The following ARHGAP15 variants were observed in gnomAD, a reference collection of about 807,000 sequenced individuals.
ARHGAP15 encodes Rho GTPase activating protein 15.
In ARHGAP15, 51 loss-of-function variants were observed where a neutral mutation model predicts 63.7. The ratio of observed to expected loss-of-function variants is 0.80; its 90% CI spans 0.64 to 1.01. The LOEUF is 1.01. Among genes scored for constraint, ARHGAP15 ranks in the 50% least tolerant of loss-of-function variants. ARHGAP15 has a pLI of 0.00. For missense variants in ARHGAP15, 560 were observed against 564.6 expected (o/e 0.99, Z 0.08); for synonymous variants, 191 against 193.8 (o/e 0.99, Z 0.12).
intron 12 of ARHGAP15, among the ~76,000 whole-genome samples, chr2:143,679,071 T>C (rs533786314): frequency 8.5e-5 from 13 of 152,308 alleles, no homozygotes; most frequent in African/African-American, 2.9e-4. Context: ...TCTTTGCTAG[T>C]TGATTAGAAA....
intron 11 of ARHGAP15, among the ~76,000 whole-genome samples, chr2:143,616,308 G>A (rs1228826465): frequency 6.6e-6 from 1 of 152,126 alleles, no homozygotes; most frequent in East Asian, 1.9e-4. Context: ...CACCTATTAT[G>A]TTATTCTTTA....
chr2:143,525,757 T>C (rs1258208024), intron 10 of ARHGAP15, among the ~76,000 whole-genome samples: 1 of 151,962 alleles, frequency 6.6e-6, no homozygotes, highest in East Asian at 1.9e-4. Context: ...GAAAGCCACA[T>C]TTAGGGCTCG....
chr2:143,329,416 G>C (rs112185249), intron 6 of ARHGAP15, among the ~76,000 whole-genome samples: 3 of 152,248 alleles, frequency 2.0e-5, no homozygotes, highest in African/African-American at 7.2e-5. Flanking sequence ...GTATGGAGAG[G>C]GGTGGCCTCT....
At chr2:143,565,773 A>G (rs141126723) in intron 11 of ARHGAP15, among the ~76,000 whole-genome samples, 277 of 152,324 alleles carry the variant, frequency 1.8e-3, no homozygotes, top group African/African-American at 5.9e-3. Flanking sequence ...ATAGTGGTAT[A>G]ACTTGGCATG....
chr2:143,550,368 A>G (rs554137734), intron 10 of ARHGAP15, among the ~76,000 whole-genome samples: 37 of 152,346 alleles, frequency 2.4e-4, no homozygotes, highest in African/African-American at 8.7e-4. Flanking sequence ...TACCGATCAC[A>G]TACTTTTATG....
intron 6 of ARHGAP15, among the ~76,000 whole-genome samples, chr2:143,360,020 T>G (rs1192576143): frequency 6.6e-6 from 1 of 152,114 alleles, no homozygotes. Flanking sequence ...ATTTTTGTTC[T>G]CAGGTGAGAA....
At chr2:143,588,318 C>T (rs554311760) in intron 11 of ARHGAP15, among the ~76,000 whole-genome samples, 1 of 152,282 alleles carries the variant, frequency 6.6e-6, no homozygotes, top group South Asian at 2.1e-4. Flanking sequence ...TACTCCACTG[C>T]ATCCCAATTT....
intron 12 of ARHGAP15, among the ~76,000 whole-genome samples, chr2:143,657,208 G>A (rs945171737): frequency 6.6e-6 from 1 of 152,062 alleles, no homozygotes; most frequent in Non-Finnish European, 1.5e-5. Flanking sequence ...TTAGCCGGGC[G>A]TTGCGGCTGG....
intron 12 of ARHGAP15, among the ~76,000 whole-genome samples, chr2:143,682,117 T>C (rs1683125207): frequency 6.6e-6 from 1 of 152,244 alleles, no homozygotes; most frequent in Non-Finnish European, 1.5e-5. Context: ...CTAATTGTCA[T>C]TTCTATACAG....
chr2:143,721,548 C>G (rs1370304630), intron 13 of ARHGAP15, among the ~76,000 whole-genome samples: 1 of 152,154 alleles, frequency 6.6e-6, no homozygotes, highest in Non-Finnish European at 1.5e-5. Flanking sequence ...GTGTCTGACT[C>G]TCAAGATGAA....
intron 6 of ARHGAP15, among the ~76,000 whole-genome samples, chr2:143,347,088 C>T (rs1685334841): frequency 6.6e-6 from 1 of 152,128 alleles, no homozygotes; most frequent in South Asian, 2.1e-4. Context: ...CTCATGTCCT[C>T]ACCTTCGGTA....
intron 8 of ARHGAP15, among the ~76,000 whole-genome samples, chr2:143,484,423 T>C (rs182024703): frequency 7.7e-4 from 116 of 151,210 alleles, no homozygotes; most frequent in South Asian, 4.2e-4. Context: ...TCCCAGCTAC[T>C]CGGGAGGCTG....
intron 6 of ARHGAP15, among the ~76,000 whole-genome samples, chr2:143,309,017 TATCTC>T (rs1278480918): frequency 1.3e-5 from 2 of 151,762 alleles, no homozygotes; most frequent in African/African-American, 4.8e-5. Context: ...CTGATAATAT[TATCTC>T]ATATTGTTCT....
chr2:143,390,996 G>C (rs1687515082), intron 6 of ARHGAP15, among the ~76,000 whole-genome samples: 1 of 152,154 alleles, frequency 6.6e-6, no homozygotes, highest in Non-Finnish European at 1.5e-5. Context: ...GGTAACACCA[G>C]CACAGAGTTA....
Position 143,366,531 on chromosome 2 carries a change from T to C in ARHGAP15, c.475-69070T>C, listed in dbSNP as rs183491475. Among the ~76,000 whole-genome samples, 3 of 152,194 alleles carry C rather than the reference T, an allele frequency of 2.0e-5. No individual in the cohort carries two copies. In the East Asian group the frequency reaches 5.8e-4, roughly 29 times the overall value. ...AAACAAATAATATTTTGCTCCTAGGTCAAAGTTATAGTGTTGATAATAAAC... is the reference window on the plus strand; with the variant it reads ...AAACAAATAATATTTTGCTCCTAGGCCAAAGTTATAGTGTTGATAATAAAC... On this transcript the variant is annotated intron_variant, in intron 6 of 13. Transcript: ENST00000295095.
chr2:143,736,850 C>T (rs1339880753), intron 13 of ARHGAP15, among the ~76,000 whole-genome samples: 1 of 152,190 alleles, frequency 6.6e-6, no homozygotes, highest in Non-Finnish European at 1.5e-5. Flanking sequence ...CAACCAACAT[C>T]TATCATGATA....
rs147423941 is a variant in ARHGAP15 at position 143,560,789 on chromosome 2, G to T, written c.1003+4304G>T. ...CTTTATGTATCTATGTTTGGCCCAA[G>T]AAACTACTTTAACACGCTATTCTGT... On this transcript the variant is annotated intron_variant, in intron 11 of 13. Coordinates refer to ENST00000295095, the MANE Select transcript of ARHGAP15 (RefSeq NM_018460.4). 9.2e-5 allele frequency among the ~76,000 whole-genome samples: 14 copies of T among 152,334 alleles called. No individual in the cohort carries two copies. The East Asian group carries it at 2.5e-3, about 27-fold the overall frequency.
intron 6 of ARHGAP15, among the ~76,000 whole-genome samples, chr2:143,315,001 GTA>G (rs1683629773): frequency 6.6e-6 from 1 of 152,086 alleles, no homozygotes; most frequent in South Asian, 2.1e-4. Flanking sequence ...ATATATGTAC[GTA>G]TCTTTATTTT....
chr2:143,277,092 C>T (rs373898944), intron 6 of ARHGAP15, among the ~76,000 whole-genome samples: 1 of 151,982 alleles, frequency 6.6e-6, no homozygotes. Flanking sequence ...GTGTTTTGAT[C>T]CTGGATTTAC....
Sources: allele counts gnomAD v4.1 joint callset (sites outside exome capture counted in the v4.1 genomes callset), GRCh38; gene constraint gnomAD v4.1.1; transcripts MANE v1.5; gene names NCBI Gene and HGNC (gene_info 2026-07-23, HGNC 2026-07-21).